The following MYO1E variants were observed in gnomAD, a reference collection of about 807,000 sequenced individuals.
MYO1E encodes the protein unconventional myosin-Ie.
In MYO1E, 68 loss-of-function variants were observed where a neutral mutation model predicts 151.1. The ratio of observed to expected loss-of-function variants is 0.45; its 90% CI spans 0.37 to 0.55. The LOEUF (loss-of-function observed/expected upper bound fraction) is 0.55. Ranked by LOEUF, MYO1E falls within the 20% of genes least tolerant of loss-of-function variation. The probability of loss-of-function intolerance (pLI) is 0.00; values close to 1 mark genes in which losing one functional copy is unlikely to be tolerated. For synonymous variants in MYO1E, 601 were observed against 501.7 expected (o/e 1.20, Z -2.64); for missense variants, 1,363 against 1,389.3 (o/e 0.98, Z 0.30).
rs766581343 is a variant in MYO1E at position 59,133,326 on chromosome 15, C to G, written c.*4054G>C. The G allele has an allele frequency of 6.6e-6, 1 of 152,086 alleles. No individual in the cohort carries two copies. The highest frequency in any genetic ancestry group is 1.5e-5 in the Non-Finnish European group (1 of 68,046). The allele number at this position is 152,086 out of a possible 1,614,324, so 9.4% of individuals were successfully genotyped here. ...GTTTGAGACTGCAGTAAGGCATGAT[C>G]GCACCACTGTTCTCTAGTCTGGGTG... On this transcript the variant is annotated 3_prime_UTR_variant, in exon 28 of 28. Transcript: ENST00000288235.
At chr15:59,281,706 C>T (rs769651360) in intron 1 of MYO1E, among the ~76,000 whole-genome samples, 5 of 152,184 alleles carry the variant, frequency 3.3e-5, no homozygotes, top group Non-Finnish European at 7.3e-5. Context: ...TATAAATGGT[C>T]CTTAATAATT....
intron 26 of MYO1E, among the ~76,000 whole-genome samples, chr15:59,139,482 A>G (rs1234117858): frequency 7.8e-6 from 1 of 127,444 alleles, no homozygotes; most frequent in Non-Finnish European, 1.6e-5. Flanking sequence ...ATTACTCTGC[A>G]GACTTCTTTC....
intron 27 of MYO1E, 120 bp downstream of exon 27, chr15:59,138,078 G>T: frequency 8.1e-7 from 1 of 1,234,106 alleles, no homozygotes; most frequent in Non-Finnish European, 1.2e-6. Context: ...GGCCTGACCT[G>T]CCTCTACAAA....
At chr15:59,246,114 T>G (rs1163922548) in intron 4 of MYO1E, among the ~76,000 whole-genome samples, 4 of 152,082 alleles carry the variant, frequency 2.6e-5, no homozygotes. Flanking sequence ...TTTTTTAAAT[T>G]TTTAATCTTT....
chr15:59,326,163 C>T (rs2080662680), intron 1 of MYO1E, among the ~76,000 whole-genome samples: 1 of 151,832 alleles, frequency 6.6e-6, no homozygotes, highest in Non-Finnish European at 1.5e-5. Context: ...AAAAAAAAAC[C>T]CAGACAGCTA....
intron 18 of MYO1E, among the ~76,000 whole-genome samples, chr15:59,186,222 G>C (rs749106279): frequency 1.3e-5 from 2 of 152,148 alleles, no homozygotes; most frequent in African/African-American, 2.4e-5. Flanking sequence ...GTGGGGGACT[G>C]AGTTTCTGAC....
At chr15:59,156,067 G>T (rs868277828) in intron 25 of MYO1E, among the ~76,000 whole-genome samples, 9 of 152,340 alleles carry the variant, frequency 5.9e-5, no homozygotes, top group African/African-American at 2.2e-4. Context: ...CTGTTACTCA[G>T]GCTGGAGTGC....
intron 22 of MYO1E, among the ~76,000 whole-genome samples, chr15:59,170,860 C>T (rs780066100): frequency 5.3e-5 from 8 of 152,136 alleles, no homozygotes; most frequent in South Asian, 2.1e-4. Flanking sequence ...GTACATCAGA[C>T]GCCTGAGCAC....
intron 14 of MYO1E, 87 bp from the exon 15 acceptor site, chr15:59,205,572 TCACCAAACAAAAAAC>T: frequency 7.5e-7 from 1 of 1,327,004 alleles, no homozygotes; most frequent in South Asian, 1.2e-5. Context: ...AAATCTAATT[TCACCAAACAAAAAAC>T]CAAAGCTGTC....
At chr15:59,151,173 T>A (rs1161428610) in intron 26 of MYO1E, among the ~76,000 whole-genome samples, 1 of 151,904 alleles carries the variant, frequency 6.6e-6, no homozygotes, top group Non-Finnish European at 1.5e-5. Flanking sequence ...ACGCCTGTAA[T>A]CCCAGCTACT....
intron 3 of MYO1E, among the ~76,000 whole-genome samples, chr15:59,258,086 C>T (rs952889016): frequency 2.6e-5 from 4 of 152,144 alleles, no homozygotes; most frequent in Non-Finnish European, 5.9e-5. Context: ...CTGGCTCAGG[C>T]CTGTAATCTC....
chr15:59,353,369 A>AAAGAAAAGAAAAG (rs1555422217), intron 1 of MYO1E, among the ~76,000 whole-genome samples: 1 of 96,850 alleles, frequency 1.0e-5, no homozygotes, highest in African/African-American at 4.2e-5. Flanking sequence ...AAAAAAAAAA[A>AAAGAAAAGAAAAG]AAAAGAAAAG....
chr15:59,208,665 T>A lies in MYO1E; in HGVS notation c.1530+16A>T. On this transcript the variant is annotated intron_variant, in intron 14 of 27. Transcript: ENST00000288235. ...GGCTTAAAACAGATAGACATTAAAA[T>A]GGATATTGGCCATACCTTCCCAGCA... The A allele has an allele frequency of 6.2e-7, 1 of 1,614,132 alleles. No individual in the cohort carries two copies. Among genetic ancestry groups the A allele is most frequent in the Non-Finnish European group, 8.5e-7 (1 of 1,179,970 alleles).
intron 17 of MYO1E, among the ~76,000 whole-genome samples, chr15:59,192,154 C>G (rs188379520): frequency 6.6e-6 from 1 of 152,204 alleles, no homozygotes; most frequent in East Asian, 1.9e-4. Context: ...TAAACCCAAA[C>G]CAGGATTAAG....
At chr15:59,292,812 T>C (rs551649944) in intron 1 of MYO1E, among the ~76,000 whole-genome samples, 272 of 152,368 alleles carry the variant, frequency 1.8e-3, no homozygotes, top group Non-Finnish European at 2.0e-3. Flanking sequence ...GCCCACTATC[T>C]ACTACTTCAG....
chr15:59,254,330 G>A (rs539567797), intron 4 of MYO1E, among the ~76,000 whole-genome samples: 7 of 152,298 alleles, frequency 4.6e-5, no homozygotes, highest in Non-Finnish European at 8.8e-5. Context: ...TAGGGCTACA[G>A]GTGTGCACCA....
At chr15:59,208,088 G>A in intron 14 of MYO1E, 1 of 1,559,544 alleles carries the variant, frequency 6.4e-7, no homozygotes, top group Non-Finnish European at 8.6e-7. Flanking sequence ...AAGCTTTAAA[G>A]TTGCCTAAAA....
At chr15:59,329,435 T>A (rs1217810338) in intron 1 of MYO1E, among the ~76,000 whole-genome samples, 2 of 152,158 alleles carry the variant, frequency 1.3e-5, no homozygotes, top group Admixed American at 1.3e-4. Context: ...CCAATAGCAA[T>A]CCTAAATGTG....
Position 59,208,548 on chromosome 15 carries a change from CCTTT to C in MYO1E, c.1530+129_1530+132del. On this transcript the variant is annotated intron_variant, in intron 14 of 27. Transcript: ENST00000288235. ...GTATATACAATCTTTTGTTTTGCTT[CCTTT>C]GATAGTTAATAAATTCCGTTTGTTG... The C allele has an allele frequency of 3.5e-6, 4 of 1,139,370 alleles. No individual in the cohort carries two copies. The South Asian group carries it at 3.8e-5, about 11-fold the overall frequency. The allele number at this position is 1,139,370 out of a possible 1,614,324, so 70.6% of individuals were successfully genotyped here.
Sources: gnomAD v4.1 joint callset for allele counts (sites outside exome capture counted in the v4.1 genomes callset) on GRCh38, gnomAD v4.1.1 for gene constraint, MANE v1.5 for transcripts, NCBI Gene and HGNC (gene_info 2026-07-23, HGNC 2026-07-21) for gene names.